Variants in VCAN observed in about 807,000 individuals in gnomAD.
VCAN encodes versican core protein.
In VCAN, 44 loss-of-function variants were observed where a neutral mutation model predicts 245.5. The ratio of observed to expected loss-of-function variants is 0.18; its 90% CI spans 0.14 to 0.23. The LOEUF (loss-of-function observed/expected upper bound fraction) is 0.23, where lower values mean the gene tolerates loss of function less well. VCAN is among the 10% of genes least tolerant of loss of function. VCAN has a pLI of 1.00. For missense variants in VCAN, 3,793 were observed against 4,057.9 expected (o/e 0.93, Z 1.77); for synonymous variants, 1,413 against 1,437.0 (o/e 0.98, Z 0.38).
In VCAN at chr5:83,540,956, T is replaced by A. The variant is rs1270163422; in HGVS notation, c.7953T>A (p.His2651Gln). 1 of 1,613,954 alleles carries A rather than the reference T, an allele frequency of 6.2e-7. No homozygotes were observed. Among genetic ancestry groups the A allele is most frequent in the African/African-American group, 1.3e-5 (1 of 74,902 alleles). ...DVLASYTQAT[H>Q]DESMTYEDRS... is the part of the protein sequence containing the mutation. The stretch of plus-strand genomic sequence containing the variant: ...TGGCTAGCTACACTCAGGCAACACA[T>A]GATGAATCAATGACTTATGAAGATA... The change falls in exon 8 of 15, where the codon CAT becomes CAA. Residue 2651 changes from histidine to glutamine, a missense_variant. Around this residue, in one of 5 missense-constraint regions of VCAN, gnomAD observed 3,182 missense variants for 3,250.3 expected, o/e 0.98. Transcript: ENST00000265077.
chr5:83,480,187 C>T (rs1053385595), intron 1 of VCAN, among the ~76,000 whole-genome samples: 1 of 152,174 alleles, frequency 6.6e-6, no homozygotes, highest in Non-Finnish European at 1.5e-5. Context: ...CTGATCTCCT[C>T]CTTGTATTCT....
At chr5:83,474,152 C>G (rs772376907) in intron 1 of VCAN, among the ~76,000 whole-genome samples, 1 of 152,078 alleles carries the variant, frequency 6.6e-6, no homozygotes, top group Non-Finnish European at 1.5e-5. Context: ...GGCTCCTAAT[C>G]CAAAACTTAA....
intron 7 of VCAN, among the ~76,000 whole-genome samples, chr5:83,528,092 G>A (rs1029331592): frequency 6.6e-6 from 1 of 152,146 alleles, no homozygotes; most frequent in African/African-American, 2.4e-5. Flanking sequence ...TAAACCATAG[G>A]CTGTGCTCCA....
intron 7 of VCAN, among the ~76,000 whole-genome samples, chr5:83,530,484 A>G (rs948471769): frequency 1.3e-5 from 2 of 152,146 alleles, no homozygotes; most frequent in Non-Finnish European, 2.9e-5. Context: ...TGAGGGGCGT[A>G]GCTAAGGGGA....
intron 2 of VCAN, among the ~76,000 whole-genome samples, chr5:83,488,741 T>C (rs1001298030): frequency 6.6e-6 from 1 of 152,210 alleles, no homozygotes; most frequent in Non-Finnish European, 1.5e-5. Context: ...TACATGTAGA[T>C]TAATAAAATA....
At chr5:83,562,786 C>T (rs1414866157) in intron 12 of VCAN, among the ~76,000 whole-genome samples, 1 of 152,152 alleles carries the variant, frequency 6.6e-6, no homozygotes, top group Non-Finnish European at 1.5e-5. Flanking sequence ...ACCATTCATT[C>T]TATGGATTAA....
chr5:83,506,706 T>G (rs996002081), intron 5 of VCAN, among the ~76,000 whole-genome samples: 7 of 152,166 alleles, frequency 4.6e-5, no homozygotes, highest in African/African-American at 1.7e-4. Context: ...TGGTACCAAT[T>G]TACTGTATTA....
chr5:83,572,387 G>A (rs1748319634), intron 12 of VCAN, 29 bp from the exon 13 acceptor site: 1 of 1,613,570 alleles, frequency 6.2e-7, no homozygotes. Flanking sequence ...TGACTAGCAA[G>A]TAGTTACCTT....
At position 83,490,346 on chromosome 5, in the gene VCAN, C is replaced by T. The variant is rs1351733643; in HGVS notation, c.319C>T (p.Pro107Ser). 1 of 1,614,160 alleles carries T rather than the reference C, an allele frequency of 6.2e-7. No homozygotes were observed. The highest frequency in any genetic ancestry group is 1.1e-5 in the South Asian group (1 of 91,082). ...YKGRVSVPTHPEAVGDASLTV... is the reference protein window; with the variant it reads ...YKGRVSVPTHSEAVGDASLTV... Reference sequence around the variant, plus strand: ...AGGGAGAGTGTCTGTGCCCACACATCCCGAGGCTGTGGGCGATGCCTCCCT... The same window carrying T: ...AGGGAGAGTGTCTGTGCCCACACATTCCGAGGCTGTGGGCGATGCCTCCCT... The change falls in exon 3 of 15, where the codon CCC becomes TCC. Residue 107 changes from proline (P) to serine (S), a missense_variant. Pro to Ser is a moderately conservative substitution (Grantham distance 74). Around this residue, in one of 5 missense-constraint regions of VCAN, gnomAD observed 179 missense variants for 169.7 expected, o/e 1.05. Coordinates refer to ENST00000265077, the MANE Select transcript of VCAN (RefSeq NM_004385.5).
intron 7 of VCAN, among the ~76,000 whole-genome samples, chr5:83,524,642 T>C (rs148864776): frequency 7.8e-4 from 119 of 152,230 alleles, no homozygotes; most frequent in African/African-American, 2.7e-3. Flanking sequence ...ACTAAAAGCA[T>C]TGTTTATTGT....
intron 1 of VCAN, among the ~76,000 whole-genome samples, chr5:83,481,777 G>A (rs1335864372): frequency 6.6e-6 from 1 of 152,084 alleles, no homozygotes; most frequent in African/African-American, 2.4e-5. Context: ...TTTTGAAAAG[G>A]TCTAATTCTT....
Position 83,538,194 on chromosome 5 carries a change from A to G in VCAN, c.5191A>G (p.Thr1731Ala), listed in dbSNP as rs768122148. Reference sequence around the variant, plus strand: ...AAAGAAAAGGAAGGAGGAGGAGGGAACTACAGGTACGGCTTCTACATTTGA... The same window carrying G: ...AAAGAAAAGGAAGGAGGAGGAGGGAGCTACAGGTACGGCTTCTACATTTGA... Reference protein sequence around the residue: ...EEKKRKEEEGTTGTASTFEVY... With the variant: ...EEKKRKEEEGATGTASTFEVY... The change falls in exon 8 of 15, where the codon ACT becomes GCT. Residue 1731 changes from threonine to alanine, a missense_variant. Coordinates refer to ENST00000265077, the MANE Select transcript of VCAN (RefSeq NM_004385.5). The G allele has an allele frequency of 8.7e-6, 14 of 1,613,824 alleles. No individual in the cohort carries two copies. The highest frequency in any genetic ancestry group is 1.7e-5 in the Admixed American group (1 of 59,984).
intron 10 of VCAN, among the ~76,000 whole-genome samples, chr5:83,551,261 A>C (rs1747455886): frequency 6.6e-6 from 1 of 152,154 alleles, no homozygotes; most frequent in African/African-American, 2.4e-5. Flanking sequence ...CTATAATCCC[A>C]GCACTCTGGG....
At position 83,493,562 on chromosome 5, in the gene VCAN, C is replaced by T. The variant is rs200525591; in HGVS notation, c.462C>T (p.Tyr154=). ...SLTVDGVVFH[Y]RAATSRYTLN... ...TTTTTGCAGGGGTTGTGTTTCACTA[C>T]AGGGCGGCAACCAGCAGGTACACAC... Residue 154 remains tyrosine (Y), a synonymous_variant, in exon 4 of 15, where the codon TAC becomes TAT. Coordinates refer to ENST00000265077, the MANE Select transcript of VCAN (RefSeq NM_004385.5). 6.2e-7 allele frequency: 1 copy of T among 1,613,482 alleles called. No homozygotes were observed. The highest frequency in any genetic ancestry group is 8.5e-7 in the Non-Finnish European group (1 of 1,180,018).
rs182616857 is a variant in VCAN, at chr5:83,553,583, G to C, written c.9652+61G>C. 9.8e-5 allele frequency: 157 copies of C among 1,609,400 alleles called. No homozygotes were observed. In the African/African-American group the frequency reaches 1.8e-3, roughly 18 times the overall value. ...CACTTCTCATCACTCTCTTAGTTTTGTCTGTGTGCAAGTGAAAAGAAGTAG... is the reference window on the plus strand; with the variant it reads ...CACTTCTCATCACTCTCTTAGTTTTCTCTGTGTGCAAGTGAAAAGAAGTAG... On this transcript the variant is annotated intron_variant, in intron 11 of 14. Transcript: ENST00000265077.
chr5:83,568,124 CTAAAGT>C (rs2308227), intron 12 of VCAN, among the ~76,000 whole-genome samples: 45,050 of 151,564 alleles, frequency 0.3, 6,729 homozygotes, highest in Admixed American at 0.38. Flanking sequence ...GTTATTGAAG[CTAAAGT>C]TAATTTTTTT....
chr5:83,568,671 T>A (rs189739348), intron 12 of VCAN, among the ~76,000 whole-genome samples: 96 of 152,248 alleles, frequency 6.3e-4, no homozygotes, highest in African/African-American at 2.2e-3. Flanking sequence ...AAGATTAGAT[T>A]TAAAAAGGGT....
intron 5 of VCAN, among the ~76,000 whole-genome samples, chr5:83,508,449 GT>G (rs1365927478): frequency 6.6e-6 from 1 of 152,108 alleles, no homozygotes; most frequent in African/African-American, 2.4e-5. Flanking sequence ...AACTTATCAC[GT>G]TTGGTATAGA....
chr5:83,523,528 C>G (rs1288547118), intron 7 of VCAN, among the ~76,000 whole-genome samples: 1 of 151,444 alleles, frequency 6.6e-6, no homozygotes, highest in Non-Finnish European at 1.5e-5. Flanking sequence ...CTATTGGAAA[C>G]AAACAAGTAG....
Sources: allele counts gnomAD v4.1 joint callset (sites outside exome capture counted in the v4.1 genomes callset), GRCh38; gene constraint gnomAD v4.1.1; regional missense constraint gnomAD v4.1.1; transcripts MANE v1.5; gene names NCBI Gene and HGNC (gene_info 2026-07-23, HGNC 2026-07-21).